The following ZBTB44 variants were observed in gnomAD, a reference collection of about 807,000 sequenced individuals.
ZBTB44 encodes zinc finger and BTB domain-containing protein 44.
ZBTB44 carries 15 observed loss-of-function variants against 54.0 expected under a neutral mutation model. That is an observed-to-expected ratio of 0.28 (90% CI 0.19 to 0.43). The LOEUF (loss-of-function observed/expected upper bound fraction) is 0.43. ZBTB44 is among the 20% of genes least tolerant of loss of function. The probability of loss-of-function intolerance (pLI) is 1.00; values close to 1 mark genes in which losing one functional copy is unlikely to be tolerated. For synonymous variants in ZBTB44, 230 were observed against 250.1 expected (o/e 0.92, Z 0.76); for missense variants, 487 against 707.1 (o/e 0.69, Z 3.53).
chr11:130,232,311 T>A (rs1343640645), intron 7 of ZBTB44: 1 of 152,044 alleles, frequency 6.6e-6, no homozygotes, highest in Non-Finnish European at 1.5e-5. Flanking sequence ...TCATAATTAT[T>A]AAACTTTGGG....
rs548610445 is a variant in ZBTB44, at chr11:130,281,601, T to TG, written c.-56-19673dup. Among the ~76,000 whole-genome samples the TG allele has an allele frequency of 7.8e-3, 1,163 of 148,634 alleles. 24 individuals are homozygous for TG. The highest frequency in any genetic ancestry group is 0.062 in the East Asian group (313 of 5,072). ...TAGTTTTATTGTTGTTGTTGTTTTT[T>TG]GGGGGGGGGATGGAGTCTCGTCTCA... On this transcript the variant is annotated intron_variant, in intron 1 of 7. Coordinates refer to ENST00000357899, the MANE Select transcript of ZBTB44 (RefSeq NM_001301098.2).
At chr11:130,237,238 T>A (rs975182927) in intron 4 of ZBTB44, 145 bp from the exon 5 acceptor site, 1 of 881,904 alleles carries the variant, frequency 1.1e-6, no homozygotes, top group African/African-American at 1.8e-5. Flanking sequence ...TAATTGAGTA[T>A]CTCAGAAAAT....
intron 1 of ZBTB44, among the ~76,000 whole-genome samples, chr11:130,300,165 A>T (rs1565335671): frequency 6.6e-6 from 1 of 152,190 alleles, no homozygotes; most frequent in Non-Finnish European, 1.5e-5. Flanking sequence ...GGGGAGACAG[A>T]GATGGGGAGT....
intron 4 of ZBTB44, among the ~76,000 whole-genome samples, chr11:130,237,760 G>A (rs559991580): frequency 2.0e-5 from 3 of 152,056 alleles, no homozygotes; most frequent in Non-Finnish European, 2.9e-5. Flanking sequence ...GCTAGGACAG[G>A]GACTGTAAGA....
intron 1 of ZBTB44, among the ~76,000 whole-genome samples, chr11:130,294,304 C>G (rs1427399534): frequency 6.6e-6 from 1 of 151,848 alleles, no homozygotes; most frequent in African/African-American, 2.4e-5. Flanking sequence ...AGCTACTACT[C>G]AGGCGCCTGA....
At chr11:130,260,677 T>C (rs988870867) in intron 2 of ZBTB44, among the ~76,000 whole-genome samples, 179 bp downstream of exon 2, 1 of 152,248 alleles carries the variant, frequency 6.6e-6, no homozygotes, top group Non-Finnish European at 1.5e-5. Flanking sequence ...TCTTCCCCAA[T>C]GTGCAACTTG....
At chr11:130,251,256 A>G (rs534018620) in intron 2 of ZBTB44, among the ~76,000 whole-genome samples, 33 of 96,324 alleles carry the variant, frequency 3.4e-4, no homozygotes, top group African/African-American at 8.5e-4. Flanking sequence ...AAAAAGATTG[A>G]AAAGGAACAA....
At chr11:130,259,678 T>A (rs565872614) in intron 2 of ZBTB44, among the ~76,000 whole-genome samples, 1 of 151,968 alleles carries the variant, frequency 6.6e-6, no homozygotes, top group Non-Finnish European at 1.5e-5. Flanking sequence ...CTGGAAACCA[T>A]CATTCTCCGC....
chr11:130,270,255 G>A (rs904343048), intron 1 of ZBTB44, among the ~76,000 whole-genome samples: 3 of 152,154 alleles, frequency 2.0e-5, no homozygotes, highest in African/African-American at 7.2e-5. Flanking sequence ...AAACTGAACT[G>A]AGATCACTCA....
intron 1 of ZBTB44, among the ~76,000 whole-genome samples, chr11:130,284,796 G>A (rs1359321940): frequency 1.3e-5 from 2 of 152,032 alleles, no homozygotes; most frequent in African/African-American, 4.8e-5. Flanking sequence ...AACCCAGGAG[G>A]TAGAGGTTGC....
intron 2 of ZBTB44, among the ~76,000 whole-genome samples, chr11:130,241,278 G>A (rs989466386): frequency 2.3e-4 from 35 of 152,188 alleles, no homozygotes; most frequent in Admixed American, 2.3e-3. Flanking sequence ...AACTTTATTA[G>A]AAAATACTAA....
intron 1 of ZBTB44, among the ~76,000 whole-genome samples, chr11:130,283,937 T>G (rs975202913): frequency 1.7e-4 from 23 of 131,702 alleles, no homozygotes; most frequent in African/African-American, 6.9e-4. Context: ...GCCTTTGCAC[T>G]CTACCCTGGG....
chr11:130,235,408 C>T (rs894781478), intron 5 of ZBTB44, among the ~76,000 whole-genome samples: 1 of 152,082 alleles, frequency 6.6e-6, no homozygotes, highest in Non-Finnish European at 1.5e-5. Flanking sequence ...GATATGGCAA[C>T]CACACATTCA....
chr11:130,284,665 G>A lies in ZBTB44; in HGVS notation c.-56-22736C>T, dbSNP rs150350044. Among the ~76,000 whole-genome samples the A allele has an allele frequency of 6.1e-3, 923 of 152,090 alleles. 8 individuals are homozygous for A. Among genetic ancestry groups the A allele is most frequent in the African/African-American group, 0.021 (867 of 41,476 alleles). On this transcript the variant is annotated intron_variant, in intron 1 of 7. Coordinates refer to ENST00000357899, the MANE Select transcript of ZBTB44 (RefSeq NM_001301098.2). ...GGGTGGATCACGAGGTCAGGAGTTC[G>A]AGACCAGCCTGACCAACATGGAGAA...
At chr11:130,253,150 A>G (rs947136435) in intron 2 of ZBTB44, among the ~76,000 whole-genome samples, 5 of 151,484 alleles carry the variant, frequency 3.3e-5, no homozygotes, top group African/African-American at 1.2e-4. Context: ...TTGAAAATTG[A>G]CACAAGACAG....
At chr11:130,302,067 A>G (rs541106155) in intron 1 of ZBTB44, among the ~76,000 whole-genome samples, 1 of 151,440 alleles carries the variant, frequency 6.6e-6, no homozygotes, top group East Asian at 1.9e-4. Context: ...AAAAAAAAAA[A>G]GTAATAATAA....
Position 130,228,205 on chromosome 11 carries a change from A to G in ZBTB44, c.*3559T>C, listed in dbSNP as rs992043089. 1 of 152,196 alleles carries G rather than the reference A, an allele frequency of 6.6e-6. No homozygotes were observed. The highest frequency in any genetic ancestry group is 2.4e-5 in the African/African-American group (1 of 41,444). The allele number at this position is 152,196 out of a possible 1,614,324, so 9.4% of individuals were successfully genotyped here. On this transcript the variant is annotated 3_prime_UTR_variant, in exon 8 of 8. Transcript: ENST00000357899. ...AATACATTATTGGGAACTTGGACCA[A>G]AACCAAATTTTACTCTATTAGGGAC...
At chr11:130,232,442 C>T (rs1953910694) in intron 7 of ZBTB44, 1 of 152,146 alleles carries the variant, frequency 6.6e-6, no homozygotes. Context: ...GAGGATCATA[C>T]AAATTTCAAC....
At chr11:130,233,015 GAAAA>G (rs931632488) in intron 7 of ZBTB44, 3 of 239,110 alleles carry the variant, frequency 1.3e-5, no homozygotes, top group Non-Finnish European at 2.3e-5. Flanking sequence ...TAAAAAAAAA[GAAAA>G]AAAAAAAGAA....
Sources: gnomAD v4.1 joint callset for allele counts (sites outside exome capture counted in the v4.1 genomes callset) on GRCh38, gnomAD v4.1.1 for gene constraint, MANE v1.5 for transcripts, NCBI Gene and HGNC (gene_info 2026-07-23, HGNC 2026-07-21) for gene names.